AGBL4: variants seen among roughly 807,000 people sequenced by gnomAD.
AGBL4 encodes the protein AGBL carboxypeptidase 4, also known as cytosolic carboxypeptidase 6.
AGBL4 carries 58 observed loss-of-function variants against 66.4 expected under a neutral mutation model. That is an observed-to-expected ratio of 0.87 (90% CI 0.71 to 1.09). The LOEUF (loss-of-function observed/expected upper bound fraction) is 1.09, where lower values mean the gene tolerates loss of function less well. Ranked by LOEUF, AGBL4 falls within the 50% of genes least tolerant of loss-of-function variation. AGBL4 has a pLI of 0.00. For synonymous variants in AGBL4, 234 were observed against 222.9 expected, an observed-to-expected ratio of 1.05 and a Z score of -0.44; for missense variants, 579 against 631.0, an observed-to-expected ratio of 0.92 and a Z score of 0.88.
At position 48,939,523 on chromosome 1, in the gene AGBL4, G is replaced by A. The variant is rs535490898; in HGVS notation, c.595-72293C>T. Among the ~76,000 whole-genome samples the A allele has an allele frequency of 3.5e-4, 53 of 152,316 alleles. 2 individuals carry two copies. The South Asian group carries it at 0.01, about 30-fold the overall frequency. On this transcript the variant is annotated intron_variant, in intron 5 of 13. Coordinates refer to ENST00000371839, the MANE Select transcript of AGBL4 (RefSeq NM_032785.4). ...AAAAGCTCAAGAAAGGGGCCTCCAGGAGGGGGAGGAAAGGCAGGGGCTCTG... is the reference window on the plus strand; with the variant it reads ...AAAAGCTCAAGAAAGGGGCCTCCAGAAGGGGGAGGAAAGGCAGGGGCTCTG...
intron 3 of AGBL4, among the ~76,000 whole-genome samples, chr1:49,622,628 C>CAAAAAA (rs71059557): frequency 7.6e-5 from 5 of 65,484 alleles, no homozygotes; most frequent in South Asian, 8.5e-4. Flanking sequence ...GACTCCGTCT[C>CAAAAAA]AAAAAAAAAA....
chr1:49,530,259 T>TAAAAAAAAAACAAAAAA (rs1650994990), intron 3 of AGBL4, among the ~76,000 whole-genome samples: 1 of 75,984 alleles, frequency 1.3e-5, no homozygotes, highest in African/African-American at 6.1e-5. Context: ...GTAGAATTTG[T>TAAAAAAAAAACAAAAAA]AAAAAAAAAA....
chr1:48,946,949 C>A (rs1043112527), intron 5 of AGBL4, among the ~76,000 whole-genome samples: 1 of 152,194 alleles, frequency 6.6e-6, no homozygotes, highest in African/African-American at 2.4e-5. Context: ...CCTGAGGTAC[C>A]TGGAAAGGCT....
At position 48,804,035 on chromosome 1, in the gene AGBL4, T is replaced by TA. The variant is rs1214765386; in HGVS notation, c.634+63155dup. On this transcript the variant is annotated intron_variant, in intron 6 of 13. Transcript: ENST00000371839. ...AAATCTTAGATTATTAACAAGATTT[T>TA]AAAAAATCCCAAAAAGTGATAGCAT... 6.6e-5 allele frequency among the ~76,000 whole-genome samples: 10 copies of TA among 152,330 alleles called. No homozygotes were observed. In the East Asian group the frequency reaches 1.3e-3, roughly 21 times the overall value.
At chr1:49,359,969 C>G (rs1366841563) in intron 3 of AGBL4, among the ~76,000 whole-genome samples, 3 of 152,084 alleles carry the variant, frequency 2.0e-5, no homozygotes, top group Non-Finnish European at 4.4e-5. Context: ...TGATGGCTCC[C>G]AAGAGAGCCT....
intron 3 of AGBL4, among the ~76,000 whole-genome samples, chr1:49,547,656 T>C (rs896871022): frequency 6.6e-6 from 1 of 152,184 alleles, no homozygotes; most frequent in African/African-American, 2.4e-5. Context: ...ATTTGTGTAG[T>C]CTATGATTTC....
At chr1:49,969,214 C>T (rs1657839012) in intron 1 of AGBL4, among the ~76,000 whole-genome samples, 1 of 152,120 alleles carries the variant, frequency 6.6e-6, no homozygotes, top group South Asian at 2.1e-4. Flanking sequence ...TACTGACATA[C>T]AAAAAGCTAT....
At chr1:48,823,433 C>G (rs891674565) in intron 6 of AGBL4, among the ~76,000 whole-genome samples, 2 of 152,226 alleles carry the variant, frequency 1.3e-5, no homozygotes, top group Non-Finnish European at 2.9e-5. Flanking sequence ...ACTGAGTACT[C>G]TGGTGATTTA....
At chr1:49,190,838 T>C (rs142528021) in intron 4 of AGBL4, among the ~76,000 whole-genome samples, 164 of 152,208 alleles carry the variant, frequency 1.1e-3, no homozygotes, top group African/African-American at 3.5e-3. Context: ...CAAACAAAAG[T>C]GTTCCTGAGA....
At chr1:49,261,411 C>A (rs1653151772) in intron 3 of AGBL4, among the ~76,000 whole-genome samples, 2 of 152,266 alleles carry the variant, frequency 1.3e-5, no homozygotes, top group South Asian at 4.1e-4. Flanking sequence ...TAGAAGACCC[C>A]ATTGGCTCAG....
intron 3 of AGBL4, among the ~76,000 whole-genome samples, chr1:49,462,658 T>A (rs1266216563): frequency 2.0e-5 from 3 of 151,782 alleles, no homozygotes; most frequent in Admixed American, 6.6e-5. Context: ...ATTTTTCTGA[T>A]GTTACAGGGT....
intron 1 of AGBL4, among the ~76,000 whole-genome samples, chr1:49,941,881 C>A (rs546448226): frequency 6.6e-6 from 1 of 151,938 alleles, no homozygotes; most frequent in East Asian, 1.9e-4. Context: ...CAGTACAAGC[C>A]AGAGTAATTA....
chr1:48,831,964 C>A (rs1646562316), intron 6 of AGBL4, among the ~76,000 whole-genome samples: 1 of 152,158 alleles, frequency 6.6e-6, no homozygotes, highest in Non-Finnish European at 1.5e-5. Context: ...CTTTAGCAGG[C>A]AATGTGTTAG....
chr1:49,808,433 C>A (rs1258563245), intron 2 of AGBL4, among the ~76,000 whole-genome samples: 1 of 152,136 alleles, frequency 6.6e-6, no homozygotes, highest in Non-Finnish European at 1.5e-5. Context: ...AGACAACTTA[C>A]TTCATAAATG....
At chr1:48,985,481 C>G (rs948152770) in intron 5 of AGBL4, among the ~76,000 whole-genome samples, 3 of 152,116 alleles carry the variant, frequency 2.0e-5, no homozygotes, top group Non-Finnish European at 4.4e-5. Flanking sequence ...GCCTGGTACT[C>G]ACACAGGGCT....
chr1:48,659,857 C>G (rs1057493015), intron 7 of AGBL4, among the ~76,000 whole-genome samples: 1 of 152,244 alleles, frequency 6.6e-6, no homozygotes, highest in Non-Finnish European at 1.5e-5. Context: ...TTTCTCTATT[C>G]CAGACCATCC....
intron 4 of AGBL4, among the ~76,000 whole-genome samples, chr1:49,101,910 A>T (rs924316139): frequency 6.6e-6 from 1 of 152,096 alleles, no homozygotes; most frequent in Non-Finnish European, 1.5e-5. Context: ...TCTGGCTGGG[A>T]GCTTACTAGT....
At chr1:48,819,192 A>G (rs1468641698) in intron 6 of AGBL4, among the ~76,000 whole-genome samples, 1 of 152,240 alleles carries the variant, frequency 6.6e-6, no homozygotes, top group Non-Finnish European at 1.5e-5. Flanking sequence ...GGAGGCAGAT[A>G]AGGAGATAAA....
chr1:49,903,390 T>C lies in AGBL4; in HGVS notation c.35-51872A>G, dbSNP rs375767735. On this transcript the variant is annotated intron_variant, in intron 1 of 13. Transcript: ENST00000371839. ...GGAGGAGGGAGAGGATCAGAAAAAA[T>C]ACCTATTGGGTACTATGCTTATTAT... Among the ~76,000 whole-genome samples, 48 of 152,084 alleles carry C rather than the reference T, an allele frequency of 3.2e-4. No homozygotes were observed. The East Asian group carries it at 4.1e-3, about 13-fold the overall frequency.
Sources: allele counts gnomAD v4.1 joint callset (sites outside exome capture counted in the v4.1 genomes callset), GRCh38; gene constraint gnomAD v4.1.1; transcripts MANE v1.5; gene names NCBI Gene and HGNC (gene_info 2026-07-23, HGNC 2026-07-21).